SLC8A2: variants seen among roughly 807,000 people sequenced by gnomAD.
SLC8A2 encodes solute carrier family 8 member A2.
Under a neutral mutation model 70.2 loss-of-function variants are expected in SLC8A2, and 14 were observed. The observed-to-expected ratio is 0.20, with a 90% CI of 0.13 to 0.31. The LOEUF is 0.31. SLC8A2 is among the 10% of genes least tolerant of loss of function. The pLI is 1.00. For missense variants in SLC8A2, 779 were observed against 1,320.1 expected (o/e 0.59, Z 6.35); for synonymous variants, 575 against 594.3 (o/e 0.97, Z 0.47).
At chr19:47,461,683 T>C (rs1001436875) in intron 2 of SLC8A2, among the ~76,000 whole-genome samples, 2 of 152,258 alleles carry the variant, frequency 1.3e-5, no homozygotes, top group Admixed American at 6.5e-5. Context: ...AGGAGCCGAA[T>C]GTTCAGCGCA....
chr19:47,447,306 C>T lies in SLC8A2; in HGVS notation c.1763+503G>A, dbSNP rs1317691528. The T allele has an allele frequency of 6.2e-6, 1 of 161,276 alleles. No homozygotes were observed. The highest frequency in any genetic ancestry group is 1.3e-5 in the Non-Finnish European group (1 of 74,194). 10.0% of individuals were successfully genotyped at this position (161,276 alleles called of 1,614,324 possible). A position where few individuals can be genotyped will look rare whatever the true frequency, so the allele number is the denominator to read the frequency against. On this transcript the variant is annotated intron_variant, in intron 4 of 9. Transcript: ENST00000236877. This position sits in a 1 kb window ranked among gnomAD's most constrained non-coding sequence, Gnocchi z 5.1. ...TCTCATCTCCACAAGCCTCTCCCCA[C>T]ATCTCCCTGGGTACTCTTCAGCACA...
At position 47,448,716 on chromosome 19, in the gene SLC8A2, A is replaced by G. The variant is rs564133695; in HGVS notation, c.1341-485T>C. 4.0e-4 allele frequency among the ~76,000 whole-genome samples: 61 copies of G among 152,282 alleles called. No homozygotes were observed. The highest frequency in any genetic ancestry group is 1.3e-3 in the African/African-American group (56 of 41,556). On this transcript the variant is annotated intron_variant, in intron 3 of 9. Coordinates refer to ENST00000236877, the MANE Select transcript of SLC8A2 (RefSeq NM_015063.3). This position sits in a 1 kb window ranked among gnomAD's most constrained non-coding sequence, Gnocchi z 4.8. Reference sequence around the variant, plus strand: ...GTTTAGAAGCTCCCGGGTTTCTAGAATCGCATTTCTAACGAGCTCCAGGGG... The same window carrying G: ...GTTTAGAAGCTCCCGGGTTTCTAGAGTCGCATTTCTAACGAGCTCCAGGGG...
Position 47,448,371 on chromosome 19 carries a change from T to G in SLC8A2, c.1341-140A>C, listed in dbSNP as rs73568286. The G allele has an allele frequency of 9.9e-3, 6,400 of 644,792 alleles. 321 individuals carry two copies. In the African/African-American group the frequency reaches 0.1, roughly 11 times the overall value. 39.9% of individuals were successfully genotyped at this position (644,792 alleles called of 1,614,324 possible). On this transcript the variant is annotated intron_variant, in intron 3 of 9. Coordinates refer to ENST00000236877, the MANE Select transcript of SLC8A2 (RefSeq NM_015063.3). The surrounding 1 kb of genome is among the most constrained non-coding windows in gnomAD (Gnocchi z 4.8). Reference sequence around the variant, plus strand: ...TCCCAAGTATGAGGGTCGACAGGCATTAAACAAGTAATACTGAGGGTGAAT... The same window carrying G: ...TCCCAAGTATGAGGGTCGACAGGCAGTAAACAAGTAATACTGAGGGTGAAT...
intron 1 of SLC8A2, among the ~76,000 whole-genome samples, chr19:47,469,863 G>T (rs1264230702): frequency 6.6e-6 from 1 of 152,186 alleles, no homozygotes; most frequent in Admixed American, 6.5e-5. Flanking sequence ...CTTCGTGGGC[G>T]TGCGGCCAGC....
In SLC8A2 at chr19:47,465,644, G is replaced by T; in HGVS notation, c.675+85C>A. 1.7e-6 allele frequency: 2 copies of T among 1,160,860 alleles called. No individual in the cohort carries two copies. Among genetic ancestry groups the T allele is most frequent in the Non-Finnish European group, 1.2e-6 (1 of 825,680 alleles). The allele number at this position is 1,160,860 out of a possible 1,614,324, so 71.9% of individuals were successfully genotyped here. ...GTGAGTGTGCATTTCTGCAAATACA[G>T]CAATCAACACTCCAAGCCAAGAGCA... is the stretch of plus-strand genomic sequence containing the variant. On this transcript the variant is annotated intron_variant, in intron 2 of 9. Transcript: ENST00000236877. This position sits in a 1 kb window ranked among gnomAD's most constrained non-coding sequence, Gnocchi z 5.5.
rs1406751873 is a variant in SLC8A2, at chr19:47,447,737, G to A, written c.1763+72C>T. 1.6e-5 allele frequency: 22 copies of A among 1,416,614 alleles called. No homozygotes were observed. The highest frequency in any genetic ancestry group is 2.6e-5 in the Admixed American group (1 of 38,064). 87.8% of individuals were successfully genotyped at this position (1,416,614 alleles called of 1,614,324 possible). A position where few individuals can be genotyped will look rare whatever the true frequency, so the allele number is the denominator to read the frequency against. ...TGTGGGCATGGCTCACCCAGGCCCCGCCCCTGAGCCACATCAGGCCTCGCC... is the reference window on the plus strand; with the variant it reads ...TGTGGGCATGGCTCACCCAGGCCCCACCCCTGAGCCACATCAGGCCTCGCC... On this transcript the variant is annotated intron_variant, in intron 4 of 9. Transcript: ENST00000236877. The surrounding 1 kb of genome is among the most constrained non-coding windows in gnomAD (Gnocchi z 5.1).
intron 4 of SLC8A2, among the ~76,000 whole-genome samples, chr19:47,446,416 ATG>A (rs1390946505): frequency 2.0e-5 from 3 of 152,056 alleles, no homozygotes; most frequent in Non-Finnish European, 4.4e-5. Flanking sequence ...CCGTGATTTT[ATG>A]TGTGTCTGCG....
chr19:47,451,244 G>A (rs1466651395), intron 3 of SLC8A2, among the ~76,000 whole-genome samples: 1 of 149,948 alleles, frequency 6.7e-6, no homozygotes, highest in East Asian at 1.9e-4. Context: ...TCCTGACCTC[G>A]TGATCTGCCA....
chr19:47,443,257 C>T (rs4802364), intron 4 of SLC8A2, among the ~76,000 whole-genome samples: 118,483 of 152,072 alleles, frequency 0.78, 46,916 homozygotes, highest in Middle Eastern at 0.89. Flanking sequence ...CTGATGCTAA[C>T]TGATTTTCTC....
At chr19:47,458,846 C>T (rs1967351462) in intron 2 of SLC8A2, among the ~76,000 whole-genome samples, 1 of 148,636 alleles carries the variant, frequency 6.7e-6, no homozygotes, top group South Asian at 2.2e-4. Flanking sequence ...CCTTGTCCTT[C>T]TCTTAGTTTC....
chr19:47,444,632 C>T (rs1383937057), intron 4 of SLC8A2, among the ~76,000 whole-genome samples: 1 of 152,166 alleles, frequency 6.6e-6, no homozygotes, highest in Non-Finnish European at 1.5e-5. Context: ...CGCTCACTCT[C>T]GCAGACATGC....
At chr19:47,443,269 G>C (rs1967120323) in intron 4 of SLC8A2, among the ~76,000 whole-genome samples, 2 of 152,132 alleles carry the variant, frequency 1.3e-5, no homozygotes, top group Admixed American at 1.3e-4. Context: ...GATTTTCTCA[G>C]CATCTCTGCT....
chr19:47,459,208 C>T (rs1386307906), intron 2 of SLC8A2, among the ~76,000 whole-genome samples: 1 of 151,902 alleles, frequency 6.6e-6, no homozygotes, highest in Non-Finnish European at 1.5e-5. Flanking sequence ...ATCTCGTTCT[C>T]TCTCTCTCTG....
Position 47,432,596 on chromosome 19 carries a change from TA to T in SLC8A2, c.2111-152del, listed in dbSNP as rs1277089137. 1.5e-6 allele frequency: 1 copy of T among 670,470 alleles called. No homozygotes were observed. Among genetic ancestry groups the T allele is most frequent in the African/African-American group, 1.8e-5 (1 of 55,200 alleles). The allele number at this position is 670,470 out of a possible 1,614,324, so 41.5% of individuals were successfully genotyped here. ...ACCTACCTGTGGCCAAGTCAACTGCTAAAAACAGTTACTTTCCCAGAATCCC... is the reference window on the plus strand; with the variant it reads ...ACCTACCTGTGGCCAAGTCAACTGCTAAAACAGTTACTTTCCCAGAATCCC... On this transcript the variant is annotated intron_variant, in intron 8 of 9. Transcript: ENST00000236877. The surrounding 1 kb of genome is among the most constrained non-coding windows in gnomAD (Gnocchi z 6.2).
intron 1 of SLC8A2, among the ~76,000 whole-genome samples, chr19:47,471,385 A>T (rs1967537365): frequency 6.6e-6 from 1 of 152,030 alleles, no homozygotes; most frequent in East Asian, 1.9e-4. Context: ...TGAGAGACTG[A>T]GAGACAGGGA....
chr19:47,457,801 CCTTCCTTT>C (rs1376400079), intron 2 of SLC8A2, among the ~76,000 whole-genome samples: 3 of 140,704 alleles, frequency 2.1e-5, no homozygotes, highest in Non-Finnish European at 4.6e-5. Flanking sequence ...CTTTTCTCTT[CCTTCCTTT>C]CTTCCTTCTT....
chr19:47,457,372 G>A lies in SLC8A2; in HGVS notation c.898C>T (p.Pro300Ser). The change falls in exon 3 of 10, where the codon CCG (proline) becomes TCG (serine). Residue 300 changes from proline to serine, a missense_variant. By Grantham distance (74) the Pro-to-Ser change is moderately conservative (BLOSUM62 -1). Transcript: ENST00000236877. ...AGCTCGCGCGCCTCGGCGGGGCCCG[G>A]GCCCAGGCCGCCCAGCTCACCTGGG... Reference protein sequence around the residue: ...EAPGELGGLGPGPAEARELDA... With the variant: ...EAPGELGGLGSGPAEARELDA... 1 of 1,546,254 alleles carries A rather than the reference G, an allele frequency of 6.5e-7. No individual in the cohort carries two copies.
rs980547063 is a variant in SLC8A2, at chr19:47,457,097, G to A, written c.1173C>T (p.Asp391=). ...GCTCGAAGAAGATGCGGCTGGCGCC[G>A]TCGTCTTCGTCCTCGCCCGCGCCCT... ...PAEGAGEDED[D]GASRIFFEPS... The change falls in exon 3 of 10, where the codon GAC becomes GAT. Residue 391 remains aspartate (D), a synonymous_variant. Transcript: ENST00000236877. 2 of 1,561,088 alleles carry A rather than the reference G, an allele frequency of 1.3e-6. No individual in the cohort carries two copies. The highest frequency in any genetic ancestry group is 1.7e-6 in the Non-Finnish European group (2 of 1,153,678).
intron 4 of SLC8A2, among the ~76,000 whole-genome samples, chr19:47,441,861 T>C (rs1263018030): frequency 6.6e-6 from 1 of 152,192 alleles, no homozygotes. Context: ...CCCAGCACTT[T>C]GGGAGGCCGA....
Sources: allele counts gnomAD v4.1 joint callset (sites outside exome capture counted in the v4.1 genomes callset), GRCh38; gene constraint gnomAD v4.1.1; non-coding constraint Gnocchi (gnomAD v3.1); transcripts MANE v1.5; gene names NCBI Gene and HGNC (gene_info 2026-07-23, HGNC 2026-07-21).